CELA2B: variants seen among roughly 807,000 people sequenced by gnomAD.
CELA2B encodes the protein chymotrypsin-like elastase family member 2B.
A neutral mutation model predicts 36.5 loss-of-function variants in CELA2B; 27 were observed. The ratio of observed to expected loss-of-function variants is 0.74; its 90% CI spans 0.55 to 1.02. The LOEUF is 1.02. Among genes scored for constraint, CELA2B ranks in the 50% least tolerant of loss-of-function variants. The pLI is 0.00. For missense variants in CELA2B, 340 were observed against 347.8 expected (o/e 0.98, Z 0.18); for synonymous variants, 143 against 148.5 (o/e 0.96, Z 0.27).
rs1708818213 is a variant in CELA2B, at chr1:15,487,368, T to C, written c.723T>C (p.Leu241=). 2 of 1,614,218 alleles carry C rather than the reference T, an allele frequency of 1.2e-6. No individual in the cohort carries two copies. Among genetic ancestry groups the C allele is most frequent in the Non-Finnish European group, 1.7e-6 (2 of 1,180,036 alleles). ...VHGIGSLTSV[L]GCNYYYKPSI... ...GCATCGGCAGCCTCACGTCGGTCCTTGGTTGCAACTACTACTACAAGCCCT... is the reference window on the plus strand; with the variant it reads ...GCATCGGCAGCCTCACGTCGGTCCTCGGTTGCAACTACTACTACAAGCCCT... Residue 241 remains leucine (L), a synonymous_variant, in exon 7 of 8, where the codon CTT becomes CTC. Transcript: ENST00000375910.
chr1:15,483,245 C>T lies in CELA2B; in HGVS notation c.357-19C>T, dbSNP rs774735622. 3 of 1,613,208 alleles carry T rather than the reference C, an allele frequency of 1.9e-6. No individual in the cohort carries two copies. The highest frequency in any genetic ancestry group is 1.7e-6 in the Non-Finnish European group (2 of 1,179,828). On this transcript the variant is annotated intron_variant, in intron 4 of 7. Coordinates refer to ENST00000375910, the MANE Select transcript of CELA2B (RefSeq NM_015849.3). The stretch of plus-strand genomic sequence containing the variant: ...AAAAGTCAACCCTGTTCTCATGCTC[C>T]GCCTCCGCACTCACCCAGGAACGAC...
intron 2 of CELA2B, 112 bp downstream of exon 2, chr1:15,476,657 T>C (rs566421237): frequency 7.6e-5 from 78 of 1,023,410 alleles, no homozygotes; most frequent in African/African-American, 9.5e-5. Context: ...ATTGATGGGA[T>C]TCAGAGAGCA....
chr1:15,483,565 C>A (rs1708769184), intron 5 of CELA2B, among the ~76,000 whole-genome samples, 165 bp downstream of exon 5: 1 of 152,240 alleles, frequency 6.6e-6, no homozygotes, highest in Non-Finnish European at 1.5e-5. Flanking sequence ...TCAGCTCTCC[C>A]ACTTAATGAC....
At position 15,476,117 on chromosome 1, in the gene CELA2B, G is replaced by A. The variant is rs766613277; in HGVS notation, c.-9G>A. ...AGGGCCACGCTTACAGAACTCCCAC[G>A]GACACACCATGATTAGGACCCTGCT... On this transcript the variant is annotated 5_prime_UTR_variant, in exon 1 of 8. Coordinates refer to ENST00000375910, the MANE Select transcript of CELA2B (RefSeq NM_015849.3). The A allele has an allele frequency of 3.6e-5, 58 of 1,613,774 alleles. No individual in the cohort carries two copies. Among genetic ancestry groups the A allele is most frequent in the East Asian group, 3.6e-4 (16 of 44,890 alleles).
At position 15,489,107 on chromosome 1, in the gene CELA2B, C is replaced by T. The variant is rs147306678; in HGVS notation, c.792+1670C>T. Among the ~76,000 whole-genome samples the T allele has an allele frequency of 5.8e-3, 887 of 152,328 alleles. 4 individuals carry two copies. The highest frequency in any genetic ancestry group is 0.02 in the African/African-American group (818 of 41,574). Reference sequence around the variant, plus strand: ...ACGAAAGGCTGCTTAGGGGCCTTTCCCAGCCAAATCCTAAGACCGTTTTCC... The same window carrying T: ...ACGAAAGGCTGCTTAGGGGCCTTTCTCAGCCAAATCCTAAGACCGTTTTCC... On this transcript the variant is annotated intron_variant, in intron 7 of 7. Transcript: ENST00000375910.
chr1:15,484,140 AGGTCTCTG>A (rs1269680679), intron 5 of CELA2B, among the ~76,000 whole-genome samples: 11 of 152,130 alleles, frequency 7.2e-5, no homozygotes, highest in Non-Finnish European at 1.5e-4. Flanking sequence ...CTGTGACCTG[AGGTCTCTG>A]GAGCTCCACA....
rs556559471 is a variant in CELA2B at position 15,485,139 on chromosome 1, G to A, written c.494-762G>A. 1.1e-3 allele frequency among the ~76,000 whole-genome samples: 174 copies of A among 152,234 alleles called. 1 individual carries two copies. Among genetic ancestry groups the A allele is most frequent in the African/African-American group, 3.6e-3 (150 of 41,530 alleles). On this transcript the variant is annotated intron_variant, in intron 5 of 7. Transcript: ENST00000375910. ...TCGAACTCCTGACCTCAAGTGATCC[G>A]CCTGCCTTGGCGTCCTAAACTGCTG...
At chr1:15,476,637 C>T in intron 2 of CELA2B, 92 bp downstream of exon 2, 1 of 1,232,958 alleles carries the variant, frequency 8.1e-7, no homozygotes, top group Non-Finnish European at 1.2e-6. Flanking sequence ...ATTGTGCTGG[C>T]AAAGTTAGGA....
In CELA2B at chr1:15,483,288, G is replaced by C; in HGVS notation, c.381G>C (p.Leu127=). ...GGAACGACATTGCCCTGCTCAAACT[G>C]GCTAACCCCGTCTCCCTCACCGACA... ...SKGNDIALLK[L]ANPVSLTDKI... is the part of the protein sequence containing the mutation. The change falls in exon 5 of 8, where the codon CTG becomes CTC. Residue 127 remains leucine (L), a synonymous_variant. Transcript: ENST00000375910. 6.2e-7 allele frequency: 1 copy of C among 1,613,856 alleles called. No homozygotes were observed. The highest frequency in any genetic ancestry group is 8.5e-7 in the Non-Finnish European group (1 of 1,179,892).
chr1:15,488,205 A>G (rs1708829179), intron 7 of CELA2B, among the ~76,000 whole-genome samples: 1 of 152,102 alleles, frequency 6.6e-6, no homozygotes, highest in African/African-American at 2.4e-5. Flanking sequence ...TGGGCAACAT[A>G]GCGAGACTCT....
rs551120592 is a variant in CELA2B at position 15,478,839 on chromosome 1, T to A, written c.130-2259T>A. ...GCCTCGGCCTTCCAAAGTGCTGAGC[T>A]TACAGGTGTGAGCCATCCTGCCCAG... On this transcript the variant is annotated intron_variant, in intron 2 of 7. Coordinates refer to ENST00000375910, the MANE Select transcript of CELA2B (RefSeq NM_015849.3). 5.0e-4 allele frequency among the ~76,000 whole-genome samples: 76 copies of A among 152,276 alleles called. 1 individual carries two copies. The highest frequency in any genetic ancestry group is 1.8e-3 in the African/African-American group (75 of 41,566).
chr1:15,476,395 T>C lies in CELA2B; in HGVS notation c.41-62T>C, dbSNP rs1708670436. On this transcript the variant is annotated intron_variant, in intron 1 of 7. Coordinates refer to ENST00000375910, the MANE Select transcript of CELA2B (RefSeq NM_015849.3). ...CTATTTGGGGGTTCAGAATGCAGCA[T>C]GTATAGTTTACATTGTGTGGGTCGC... 2.6e-6 allele frequency: 4 copies of C among 1,528,988 alleles called. No homozygotes were observed. In the South Asian group the frequency reaches 4.5e-5, roughly 17 times the overall value. The allele number at this position is 1,528,988 out of a possible 1,614,324, so 94.7% of individuals were successfully genotyped here. A position where few individuals can be genotyped will look rare whatever the true frequency, so the allele number is the denominator to read the frequency against.
intron 7 of CELA2B, chr1:15,491,058 A>C (rs1708883104): frequency 1.8e-6 from 1 of 551,228 alleles, no homozygotes; most frequent in African/African-American, 1.9e-5. Flanking sequence ...TGAAGCCCAC[A>C]CAGGACTCCT....
Position 15,485,930 on chromosome 1 carries a change from C to T in CELA2B, c.523C>T (p.Gln175Ter). 2 of 1,614,184 alleles carry T rather than the reference C, an allele frequency of 1.2e-6. No homozygotes were observed. Among genetic ancestry groups the T allele is most frequent in the Non-Finnish European group, 1.7e-6 (2 of 1,180,030 alleles). The change falls in exon 6 of 8, where the codon CAG becomes TAG. Residue 175 changes from glutamine to a stop codon, truncating the protein, a stop_gained. Transcript: ENST00000375910. LOFTEE classifies it high-confidence loss of function. The stretch of plus-strand genomic sequence containing the variant: ...CGGGGCTCTCCCTGATGACCTGAAG[C>T]AGGGCCAGTTGCTGGTTGTGGACTA... ...TNGALPDDLK[Q>*]GQLLVVDYAT...
chr1:15,478,596 T>G, intron 2 of CELA2B, among the ~76,000 whole-genome samples: 1 of 144,936 alleles, frequency 6.9e-6, no homozygotes, highest in South Asian at 2.2e-4. Flanking sequence ...GGCAGAGTCT[T>G]ACTCTGTCAC....
rs199633397 is a variant in CELA2B, at chr1:15,482,428, T to C, written c.356+35T>C. The C allele has an allele frequency of 1.8e-4, 295 of 1,613,038 alleles. 3 individuals carry two copies. In the East Asian group the frequency reaches 6.5e-3, roughly 36 times the overall value. Reference sequence around the variant, plus strand: ...TATCTGGGTGCACTTGGGGGTGAGGTTGTCAGGGAACAGATGGGGGTCTCA... The same window carrying C: ...TATCTGGGTGCACTTGGGGGTGAGGCTGTCAGGGAACAGATGGGGGTCTCA... On this transcript the variant is annotated intron_variant, in intron 4 of 7. Coordinates refer to ENST00000375910, the MANE Select transcript of CELA2B (RefSeq NM_015849.3).
chr1:15,485,820 G>C (rs1166329507), intron 5 of CELA2B, 81 bp from the exon 6 acceptor site: 1 of 1,533,406 alleles, frequency 6.5e-7, no homozygotes, highest in Non-Finnish European at 9.0e-7. Context: ...ATGGTAACAG[G>C]GGAAATCCAG....
chr1:15,481,077 C>A, intron 2 of CELA2B, 21 bp from the exon 3 acceptor site: 1 of 1,611,280 alleles, frequency 6.2e-7, no homozygotes, highest in Non-Finnish European at 8.5e-7. Flanking sequence ...GCCACAGCCA[C>A]AGACCTGTGT....
In CELA2B at chr1:15,487,169, C is replaced by A; in HGVS notation, c.640-116C>A. On this transcript the variant is annotated intron_variant, in intron 6 of 7. Transcript: ENST00000375910. ...CCACCTTGAGCTATGACCACAAGGA[C>A]CAGCTTCAGAGGACAGTGACCTGCA... 4.2e-6 allele frequency: 4 copies of A among 957,762 alleles called. No individual in the cohort carries two copies. In the South Asian group the frequency reaches 5.8e-5, roughly 14 times the overall value. The allele number at this position is 957,762 out of a possible 1,614,324, so 59.3% of individuals were successfully genotyped here. A position where few individuals can be genotyped will look rare whatever the true frequency, so the allele number is the denominator to read the frequency against.
Sources: gnomAD v4.1 joint callset for allele counts (sites outside exome capture counted in the v4.1 genomes callset) on GRCh38, gnomAD v4.1.1 for gene constraint, MANE v1.5 for transcripts, NCBI Gene and HGNC (gene_info 2026-07-23, HGNC 2026-07-21) for gene names.